PDE1A: variants seen among roughly 807,000 people sequenced by gnomAD.
PDE1A encodes dual specificity calcium/calmodulin-dependent 3',5'-cyclic nucleotide phosphodiesterase 1A.
PDE1A carries 35 observed loss-of-function variants against 61.7 expected under a neutral mutation model. The observed-to-expected ratio is 0.57, with a 90% CI of 0.43 to 0.75. The LOEUF (loss-of-function observed/expected upper bound fraction) is 0.75, where lower values mean the gene tolerates loss of function less well. Among genes scored for constraint, PDE1A ranks in the 30% least tolerant of loss-of-function variants. The pLI is 0.00. For synonymous variants in PDE1A, 232 were observed against 213.2 expected (o/e 1.09, Z -0.77); for missense variants, 597 against 630.6 (o/e 0.95, Z 0.57).
chr2:182,207,692 C>T (rs1319142241), intron 7 of PDE1A, among the ~76,000 whole-genome samples: 2 of 152,206 alleles, frequency 1.3e-5, no homozygotes, highest in African/African-American at 4.8e-5. Context: ...ATAGCCCAGA[C>T]AATGGGGAAG....
the PDE1A span, chr2:182,715,996 G>A: frequency 1.3e-5 from 2 of 152,416 alleles, no homozygotes; most frequent in Admixed American, 6.5e-5. Context: ...GCAGGAAGAG[G>A]CGGGCTTCGC....
chr2:182,662,080 G>A, the PDE1A span, among the ~76,000 whole-genome samples: 1 of 151,508 alleles, frequency 6.6e-6, no homozygotes, highest in Non-Finnish European at 1.5e-5. Context: ...AGGGGAGAGG[G>A]GGCTTACCCT....
At chr2:182,378,749 G>A (rs1244597284) in intron 1 of PDE1A, among the ~76,000 whole-genome samples, 1 of 152,156 alleles carries the variant, frequency 6.6e-6, no homozygotes, top group Non-Finnish European at 1.5e-5. Flanking sequence ...CTCATGTTAT[G>A]CACTGTATTG....
At chr2:182,559,919 A>T in the PDE1A span, among the ~76,000 whole-genome samples, 9 of 152,160 alleles carry the variant, frequency 5.9e-5, no homozygotes, top group African/African-American at 2.2e-4. Flanking sequence ...GGCAAAGCTA[A>T]CCCATATTTG....
At chr2:182,148,205 C>T (rs1259569145) in intron 13 of PDE1A, among the ~76,000 whole-genome samples, 2 of 152,170 alleles carry the variant, frequency 1.3e-5, no homozygotes, top group African/African-American at 4.8e-5. Flanking sequence ...ATGTAATAAA[C>T]ATCGTCAAAC....
chr2:182,212,444 C>G (rs1687702904), intron 7 of PDE1A, among the ~76,000 whole-genome samples: 3 of 152,176 alleles, frequency 2.0e-5, no homozygotes, highest in Admixed American at 2.0e-4. Flanking sequence ...CAGCTCCGGT[C>G]TACAGCTCCC....
At chr2:182,253,858 T>G (rs1273393603) in intron 2 of PDE1A, among the ~76,000 whole-genome samples, 1 of 152,240 alleles carries the variant, frequency 6.6e-6, no homozygotes, top group Non-Finnish European at 1.5e-5. Flanking sequence ...ACTTTCTTTA[T>G]GCCTTAAATT....
intron 13 of PDE1A, among the ~76,000 whole-genome samples, chr2:182,154,511 G>A (rs891425716): frequency 6.6e-6 from 1 of 152,134 alleles, no homozygotes; most frequent in African/African-American, 2.4e-5. Context: ...AGGGCCAGGT[G>A]AAGATAATTG....
the PDE1A span, among the ~76,000 whole-genome samples, chr2:182,574,022 T>C: frequency 6.6e-6 from 1 of 150,528 alleles, no homozygotes; most frequent in African/African-American, 2.4e-5. Context: ...TTATTAAGTG[T>C]TAACTTACAA....
At chr2:182,674,265 C>T in the PDE1A span, among the ~76,000 whole-genome samples, 777 of 152,062 alleles carry the variant, frequency 5.1e-3, 5 homozygotes, top group Non-Finnish European at 8.7e-3. Context: ...AAACTTGCCT[C>T]ATGATTCAGT....
chr2:182,326,314 C>T (rs1697044992), intron 1 of PDE1A, among the ~76,000 whole-genome samples: 1 of 152,066 alleles, frequency 6.6e-6, no homozygotes, highest in South Asian at 2.1e-4. Flanking sequence ...GGAAAAAATT[C>T]AAATGTCCAT....
chr2:182,716,751 C>T, the PDE1A span, among the ~76,000 whole-genome samples: 1 of 152,136 alleles, frequency 6.6e-6, no homozygotes, highest in Non-Finnish European at 1.5e-5. Flanking sequence ...AGCCCTGTTC[C>T]CCCGTGTCTT....
the PDE1A span, among the ~76,000 whole-genome samples, chr2:182,548,487 C>T: frequency 6.6e-6 from 1 of 152,176 alleles, no homozygotes; most frequent in African/African-American, 2.4e-5. Flanking sequence ...CAACTGCTCT[C>T]AATAAACTGT....
At chr2:182,668,923 C>T in the PDE1A span, among the ~76,000 whole-genome samples, 184 of 152,284 alleles carry the variant, frequency 1.2e-3, no homozygotes, top group Non-Finnish European at 1.9e-3. Flanking sequence ...GGCTCAGAGC[C>T]AAGTATGAGC....
At chr2:182,144,457 G>A (rs1184518820), downstream of PDE1A, among the ~76,000 whole-genome samples, 4 of 152,156 alleles carry the variant, frequency 2.6e-5, no homozygotes, top group African/African-American at 4.8e-5. Flanking sequence ...AAATGATGGC[G>A]AAATTATACA....
intron 2 of PDE1A, among the ~76,000 whole-genome samples, chr2:182,254,412 C>T (rs1691627205): frequency 6.6e-6 from 1 of 152,208 alleles, no homozygotes; most frequent in African/African-American, 2.4e-5. Flanking sequence ...CCAGCAACGT[C>T]TTAGCACATT....
chr2:182,401,214 C>T (rs189685594), intron 1 of PDE1A, among the ~76,000 whole-genome samples: 70 of 152,108 alleles, frequency 4.6e-4, no homozygotes, highest in East Asian at 4.3e-3. Flanking sequence ...AGGAGGGACA[C>T]GACACAAAAA....
intron 2 of PDE1A, among the ~76,000 whole-genome samples, chr2:182,454,086 CA>C (rs1685723871): frequency 6.6e-6 from 1 of 152,204 alleles, no homozygotes; most frequent in South Asian, 2.1e-4. Flanking sequence ...GATACAAAAT[CA>C]ATGTACAAAA....
chr2:182,194,707 A>T (rs1392313804), intron 10 of PDE1A, among the ~76,000 whole-genome samples: 2 of 152,086 alleles, frequency 1.3e-5, no homozygotes, highest in African/African-American at 2.4e-5. Flanking sequence ...GATAACGTTG[A>T]TGGGATTTTT....
Sources: gnomAD v4.1 joint callset for allele counts (sites outside exome capture counted in the v4.1 genomes callset) on GRCh38, gnomAD v4.1.1 for gene constraint, MANE v1.5 for transcripts, NCBI Gene and HGNC (gene_info 2026-07-23, HGNC 2026-07-21) for gene names.